Variants in SH3GL1 observed in about 807,000 individuals in gnomAD.
SH3GL1 encodes the protein SH3 domain containing GRB2 like 1, endophilin A2.
Under a neutral mutation model 48.8 loss-of-function variants are expected in SH3GL1, and 21 were observed. That is an observed-to-expected ratio of 0.43 (90% CI 0.30 to 0.62). The LOEUF (loss-of-function observed/expected upper bound fraction) is 0.62. Ranked by LOEUF, SH3GL1 falls within the 20% of genes least tolerant of loss-of-function variation. The pLI is 0.11. For missense variants in SH3GL1, 454 were observed against 503.0 expected (o/e 0.90, Z 0.93); for synonymous variants, 282 against 217.5 (o/e 1.30, Z -2.61).
At chr19:4,373,382 G>C (rs1012856462) in intron 1 of SH3GL1, among the ~76,000 whole-genome samples, 1 of 152,202 alleles carries the variant, frequency 6.6e-6, no homozygotes, top group Admixed American at 6.5e-5. Context: ...ACTGTCCTTC[G>C]AGCCTCCAGC....
chr19:4,382,253 C>CTTTTT lies in SH3GL1; in HGVS notation c.46-15264_46-15260dup, dbSNP rs34085741. 5.1e-3 allele frequency among the ~76,000 whole-genome samples: 522 copies of CTTTTT among 102,116 alleles called. 1 individual carries two copies. The highest frequency in any genetic ancestry group is 7.6e-3 in the Middle Eastern group (1 of 132). The allele number at this position is 102,116 out of a possible 152,430, so 67.0% of individuals were successfully genotyped here. A position where few individuals can be genotyped will look rare whatever the true frequency, so the allele number is the denominator to read the frequency against. ...ACAGCAGGGGAAGGTGCTCCGCTTTCTTTTTTTTTTTTTTTTTTTTTTGAG... is the reference window on the plus strand; with the variant it reads ...ACAGCAGGGGAAGGTGCTCCGCTTTCTTTTTTTTTTTTTTTTTTTTTTTTTTTGAG... On this transcript the variant is annotated intron_variant, in intron 1 of 9. Transcript: ENST00000269886.
rs1020342465 is a variant in SH3GL1, at chr19:4,366,806, C to A, written c.114+120G>T. ...CCCCACACCACCCCATCTCTCCACA[C>A]CTGCCGGGCCCCATCACTCCAGACC... is the stretch of plus-strand genomic sequence containing the variant. On this transcript the variant is annotated intron_variant, in intron 2 of 9. Transcript: ENST00000269886. 5 of 1,054,846 alleles carry A rather than the reference C, an allele frequency of 4.7e-6. No individual in the cohort carries two copies. The African/African-American group carries it at 7.8e-5, about 16-fold the overall frequency. 65.3% of individuals were successfully genotyped at this position (1,054,846 alleles called of 1,614,324 possible). A position where few individuals can be genotyped will look rare whatever the true frequency, so the allele number is the denominator to read the frequency against.
chr19:4,371,094 C>A (rs936559170), intron 1 of SH3GL1, among the ~76,000 whole-genome samples: 9 of 152,252 alleles, frequency 5.9e-5, no homozygotes, highest in Middle Eastern at 3.2e-3. Context: ...TGGGGTTTTG[C>A]CCCAGAGCAT....
chr19:4,399,963 T>A (rs763050191), intron 1 of SH3GL1, among the ~76,000 whole-genome samples: 5 of 152,188 alleles, frequency 3.3e-5, no homozygotes, highest in South Asian at 2.1e-4. Flanking sequence ...TCCCTGGCTC[T>A]GGGTTATCTG....
chr19:4,398,289 T>C (rs1223051681), intron 1 of SH3GL1, among the ~76,000 whole-genome samples: 1 of 152,146 alleles, frequency 6.6e-6, no homozygotes, highest in African/African-American at 2.4e-5. Context: ...GCTAAGATCA[T>C]TGCTCATTCC....
chr19:4,382,278 G>A (rs574139990), intron 1 of SH3GL1, among the ~76,000 whole-genome samples: 40 of 95,196 alleles, frequency 4.2e-4, no homozygotes, highest in African/African-American at 1.4e-3. Context: ...TTTTTTTTGA[G>A]ACGGAGTCTC....
Position 4,361,132 on chromosome 19 carries a change from A to T in SH3GL1, c.*468T>A. 4.0e-6 allele frequency: 1 copy of T among 251,902 alleles called. No individual in the cohort carries two copies. The highest frequency in any genetic ancestry group is 7.7e-6 in the Non-Finnish European group (1 of 130,294). The allele number at this position is 251,902 out of a possible 1,614,324, so 15.6% of individuals were successfully genotyped here. A position where few individuals can be genotyped will look rare whatever the true frequency, so the allele number is the denominator to read the frequency against. ...CAGCACCAGGCTGGGAGGGATTTAA[A>T]ACCAGGGTCCTATCTCTGAGCCACC... is the stretch of plus-strand genomic sequence containing the variant. On this transcript the variant is annotated 3_prime_UTR_variant, in exon 10 of 10. Coordinates refer to ENST00000269886, the MANE Select transcript of SH3GL1 (RefSeq NM_003025.4).
rs916514568 is a variant in SH3GL1, at chr19:4,362,701, T to C, written c.764A>G (p.Tyr255Cys). 2.5e-6 allele frequency: 4 copies of C among 1,613,900 alleles called. No homozygotes were observed. The African/African-American group carries it at 4.0e-5, about 16-fold the overall frequency. ...REASSRPKRE[Y>C]KPKPREPFDL... ...AAAGGGCTCCCGGGGCTTGGGCTTATACTCCCGCTTAGGGCGTGAGGAAGC... is the reference window on the plus strand; with the variant it reads ...AAAGGGCTCCCGGGGCTTGGGCTTACACTCCCGCTTAGGGCGTGAGGAAGC... The change falls in exon 8 of 10, where the codon TAT (tyrosine) becomes TGT (cysteine). Residue 255 changes from tyrosine (Y) to cysteine (C), a missense_variant. Transcript: ENST00000269886.
intron 6 of SH3GL1, 39 bp downstream of exon 6, chr19:4,363,681 C>T (rs983195833): frequency 4.3e-6 from 7 of 1,611,128 alleles, no homozygotes; most frequent in Non-Finnish European, 5.1e-6. Context: ...CTCCCAAGGG[C>T]ATAGGTCTTC....
At chr19:4,372,064 CTTCCAAGTGCCA>C (rs148510963) in intron 1 of SH3GL1, among the ~76,000 whole-genome samples, 4,511 of 152,336 alleles carry the variant, frequency 0.03, 230 homozygotes, top group African/African-American at 0.1. Context: ...CTACCTCAGC[CTTCCAAGTGCCA>C]AAACTACAGG....
intron 1 of SH3GL1, among the ~76,000 whole-genome samples, chr19:4,369,839 G>A (rs562292748): frequency 3.3e-5 from 5 of 152,358 alleles, no homozygotes; most frequent in South Asian, 2.1e-4. Context: ...CACTGGGCAG[G>A]GGACACAACC....
intron 6 of SH3GL1, 65 bp downstream of exon 6, chr19:4,363,655 G>A (rs530763275): frequency 6.1e-5 from 97 of 1,596,672 alleles, no homozygotes; most frequent in Non-Finnish European, 7.9e-5. Context: ...CAGCTCCCTT[G>A]AGGCACCACC....
At chr19:4,385,593 C>A (rs1973221114) in intron 1 of SH3GL1, among the ~76,000 whole-genome samples, 1 of 152,170 alleles carries the variant, frequency 6.6e-6, no homozygotes, top group South Asian at 2.1e-4. Context: ...CCTGGCTGTG[C>A]AGCTGCCCAC....
Position 4,400,377 on chromosome 19 carries a change from C to T in SH3GL1, c.-9G>A. Reference sequence around the variant, plus strand: ...AGCCCCGCCACCGACATGCTGCCGCCCGCCGCCGAGCCTCCCGCCCGGACC... The same window carrying T: ...AGCCCCGCCACCGACATGCTGCCGCTCGCCGCCGAGCCTCCCGCCCGGACC... On this transcript the variant is annotated 5_prime_UTR_variant, in exon 1 of 10. Transcript: ENST00000269886. This position sits in a 1 kb window ranked among gnomAD's most constrained non-coding sequence, Gnocchi z 4.1. 1 of 1,586,698 alleles carries T rather than the reference C, an allele frequency of 6.3e-7. No individual in the cohort carries two copies. The highest frequency in any genetic ancestry group is 8.5e-7 in the Non-Finnish European group (1 of 1,171,080).
At chr19:4,365,794 A>T (rs1044648879) in intron 3 of SH3GL1, among the ~76,000 whole-genome samples, 169 bp from the exon 4 acceptor site, 1 of 152,192 alleles carries the variant, frequency 6.6e-6, no homozygotes, top group African/African-American at 2.4e-5. Context: ...TGCTCCTGCT[A>T]GCCTCAAAGG....
rs1468553591 is a variant in SH3GL1, at chr19:4,400,496, G to C, written c.-128C>G. On this transcript the variant is annotated 5_prime_UTR_variant, in exon 1 of 10. Coordinates refer to ENST00000269886, the MANE Select transcript of SH3GL1 (RefSeq NM_003025.4). This position sits in a 1 kb window ranked among gnomAD's most constrained non-coding sequence, Gnocchi z 4.1. Reference sequence around the variant, plus strand: ...TCCGCCACCCGCTTGCCAGCTCCGCGCCCGCCCCGGCGCCGCCTCAGCCGC... The same window carrying C: ...TCCGCCACCCGCTTGCCAGCTCCGCCCCCGCCCCGGCGCCGCCTCAGCCGC... The C allele has an allele frequency of 4.0e-6, 3 of 755,352 alleles. No homozygotes were observed. The highest frequency in any genetic ancestry group is 8.1e-5 in the East Asian group (1 of 12,396). The allele number at this position is 755,352 out of a possible 1,614,324, so 46.8% of individuals were successfully genotyped here. A position where few individuals can be genotyped will look rare whatever the true frequency, so the allele number is the denominator to read the frequency against.
chr19:4,381,888 T>G (rs566369552), intron 1 of SH3GL1, among the ~76,000 whole-genome samples: 1 of 150,948 alleles, frequency 6.6e-6, no homozygotes, highest in African/African-American at 2.4e-5. Flanking sequence ...AGAGACGGGG[T>G]TTCACCATGT....
At position 4,363,568 on chromosome 19, in the gene SH3GL1, GAGAGGGGAC is replaced by G. The variant is rs1163037360; in HGVS notation, c.625-104_625-96del. The G allele has an allele frequency of 6.8e-6, 5 of 730,354 alleles. No homozygotes were observed. In the Admixed American group the frequency reaches 2.1e-4, roughly 31 times the overall value. The allele number at this position is 730,354 out of a possible 1,614,324, so 45.2% of individuals were successfully genotyped here. On this transcript the variant is annotated intron_variant, in intron 6 of 9. Coordinates refer to ENST00000269886, the MANE Select transcript of SH3GL1 (RefSeq NM_003025.4). ...TGAAGCCACAGGAGGCAAGGGGGCT[GAGAGGGGAC>G]AGGGGACTGGGGCCCATACCCTCCA...
At chr19:4,368,414 C>T (rs1972828391) in intron 1 of SH3GL1, among the ~76,000 whole-genome samples, 3 of 152,212 alleles carry the variant, frequency 2.0e-5, no homozygotes, top group Admixed American at 2.0e-4. Flanking sequence ...TACCCTCTAG[C>T]CCATGCCTGG....
Sources: allele counts gnomAD v4.1 joint callset (sites outside exome capture counted in the v4.1 genomes callset), GRCh38; gene constraint gnomAD v4.1.1; non-coding constraint Gnocchi (gnomAD v3.1); transcripts MANE v1.5; gene names NCBI Gene and HGNC (gene_info 2026-07-23, HGNC 2026-07-21).